The following PAICS variants were observed in gnomAD, a reference collection of about 807,000 sequenced individuals.
PAICS encodes phosphoribosylaminoimidazole carboxylase and phosphoribosylaminoimidazolesuccinocarboxamide synthase.
PAICS carries 33 observed loss-of-function variants against 53.7 expected under a neutral mutation model. The ratio of observed to expected loss-of-function variants is 0.61; its 90% confidence interval spans 0.47 to 0.82. The LOEUF is 0.82. PAICS is among the 40% of genes least tolerant of loss of function. The pLI, the probability that PAICS is intolerant of heterozygous loss-of-function variation, is 0.00. For synonymous variants in PAICS, 141 were observed against 167.2 expected (o/e 0.84, Z 1.21); for missense variants, 394 against 494.1 (o/e 0.80, Z 1.92).
At chr4:56,417,285 C>A in the PAICS span, among the ~76,000 whole-genome samples, 4 of 151,122 alleles carry the variant, frequency 2.6e-5, no homozygotes, top group African/African-American at 9.7e-5. Context: ...TATTTGTAAC[C>A]TAAATAAGAA....
chr4:56,410,727 G>T, the PAICS span: 4 of 986,592 alleles, frequency 4.1e-6, no homozygotes, highest in Non-Finnish European at 4.8e-6. Flanking sequence ...TATGAATATA[G>T]AACAGTTAAA....
Position 56,441,660 on chromosome 4 carries a change from C to T in PAICS, c.17-3C>T. On this transcript the variant is annotated splice_region_variant and splice_polypyrimidine_tract_variant and intron_variant, in intron 1 of 8. Coordinates refer to ENST00000512576, the MANE Select transcript of PAICS (RefSeq NM_001079524.2). The stretch of plus-strand genomic sequence containing the variant: ...TTGGTCTATTTCCATTTTATTTCCA[C>T]AGTACTGAACATTGGTAAAAAATTA... 2 of 1,457,838 alleles carry T rather than the reference C, an allele frequency of 1.4e-6. No individual in the cohort carries two copies. Among genetic ancestry groups the T allele is most frequent in the Non-Finnish European group, 9.2e-7 (1 of 1,087,124 alleles). 90.3% of individuals were successfully genotyped at this position (1,457,838 alleles called of 1,614,324 possible). A position where few individuals can be genotyped will look rare whatever the true frequency, so the allele number is the denominator to read the frequency against.
At chr4:56,410,933 A>G in the PAICS span, 2 of 936,370 alleles carry the variant, frequency 2.1e-6, no homozygotes, top group Non-Finnish European at 2.5e-6. Flanking sequence ...AAAAAAGAAA[A>G]GTACTCTTGT....
intron 2 of PAICS, among the ~76,000 whole-genome samples, chr4:56,444,001 C>G (rs915545767): frequency 2.0e-5 from 3 of 152,042 alleles, no homozygotes; most frequent in Non-Finnish European, 1.5e-5. Context: ...TCTAAACAGA[C>G]TAGTTTTAGG....
rs1358003820 is a variant in PAICS, at chr4:56,459,978, C to G, written c.*440C>G. 6.5e-6 allele frequency: 1 copy of G among 154,556 alleles called. No homozygotes were observed. The highest frequency in any genetic ancestry group is 1.4e-5 in the Non-Finnish European group (1 of 69,816). The allele number at this position is 154,556 out of a possible 1,614,324, so 9.6% of individuals were successfully genotyped here. On this transcript the variant is annotated 3_prime_UTR_variant, in exon 9 of 9. Coordinates refer to ENST00000512576, the MANE Select transcript of PAICS (RefSeq NM_001079524.2). Reference sequence around the variant, plus strand: ...TGATCTCAGTTCACTGCTGCTTTCCCTCCTGGGCTCAAGCAGTTCTCCCAC... The same window carrying G: ...TGATCTCAGTTCACTGCTGCTTTCCGTCCTGGGCTCAAGCAGTTCTCCCAC...
chr4:56,436,828 C>T (rs1718009317), intron 1 of PAICS, among the ~76,000 whole-genome samples: 1 of 151,904 alleles, frequency 6.6e-6, no homozygotes, highest in Non-Finnish European at 1.5e-5. Flanking sequence ...AACCCCGTCT[C>T]TTACTAAAAA....
chr4:56,460,265 A>T lies in PAICS; in HGVS notation c.*727A>T, dbSNP rs1179967899. 1.3e-5 allele frequency: 2 copies of T among 152,122 alleles called. No individual in the cohort carries two copies. Among genetic ancestry groups the T allele is most frequent in the African/African-American group, 4.8e-5 (2 of 41,418 alleles). 9.4% of individuals were successfully genotyped at this position (152,122 alleles called of 1,614,324 possible). A position where few individuals can be genotyped will look rare whatever the true frequency, so the allele number is the denominator to read the frequency against. ...GAAAAAACAGAATGCTCCCAACTTTATTCATCTTCCAAGCCTGTAGCTCTT... is the reference window on the plus strand; with the variant it reads ...GAAAAAACAGAATGCTCCCAACTTTTTTCATCTTCCAAGCCTGTAGCTCTT... On this transcript the variant is annotated 3_prime_UTR_variant, in exon 9 of 9. Transcript: ENST00000512576.
chr4:56,423,137 G>C, the PAICS span: 1 of 152,198 alleles, frequency 6.6e-6, no homozygotes, highest in Non-Finnish European at 1.5e-5. Flanking sequence ...CTGTTAAAAA[G>C]ACCTTGTACC....
At chr4:56,438,837 AT>A in intron 1 of PAICS, among the ~76,000 whole-genome samples, 1 of 152,330 alleles carries the variant, frequency 6.6e-6, no homozygotes, top group Non-Finnish European at 1.5e-5. Flanking sequence ...TGCAGTATAT[AT>A]TTTAACAAAT....
intron 1 of PAICS, 160 bp downstream of exon 1, chr4:56,436,488 C>G (rs375206193): frequency 1.9e-5 from 14 of 725,100 alleles, no homozygotes; most frequent in Admixed American, 6.0e-5. Flanking sequence ...CGGGCCTCCC[C>G]GAACTTTACT....
chr4:56,459,559 T>C lies in PAICS; in HGVS notation c.*21T>C. On this transcript the variant is annotated 3_prime_UTR_variant, in exon 9 of 9. Transcript: ENST00000512576. ...TATAAGAAAGAATGCCATTGAATTT[T>C]TTAGGGGAAAAACTACAAATTTCTA... 6.6e-7 allele frequency: 1 copy of C among 1,512,268 alleles called. No homozygotes were observed. The highest frequency in any genetic ancestry group is 9.0e-7 in the Non-Finnish European group (1 of 1,116,402). The allele number at this position is 1,512,268 out of a possible 1,614,324, so 93.7% of individuals were successfully genotyped here.
chr4:56,448,450 G>C lies in PAICS; in HGVS notation c.426G>C (p.Glu142Asp), dbSNP rs772284340. 2 of 1,609,854 alleles carry C rather than the reference G, an allele frequency of 1.2e-6. No individual in the cohort carries two copies. ...DDANNDPQWS[E>D]EQLIAAKFCF... is the part of the protein sequence containing the mutation. Reference sequence around the variant, plus strand: ...CCAATAATGACCCACAGTGGTCTGAGGAACAGCTGATTGCTGCAAAATTTT... The same window carrying C: ...CCAATAATGACCCACAGTGGTCTGACGAACAGCTGATTGCTGCAAAATTTT... The change falls in exon 4 of 9, where the codon GAG becomes GAC. Residue 142 changes from glutamate to aspartate, a missense_variant. Glu to Asp is a conservative substitution (Grantham distance 45). Around this residue, in one of 3 missense-constraint regions of PAICS, gnomAD observed 168 missense variants for 199.3 expected, o/e 0.84. Transcript: ENST00000512576.
chr4:56,425,494 T>G, the PAICS span: 1 of 359,868 alleles, frequency 2.8e-6, no homozygotes. Context: ...ACTTGTTTAT[T>G]ATGAAGTCAT....
chr4:56,410,914 A>T, the PAICS span: 1 of 977,758 alleles, frequency 1.0e-6, no homozygotes, highest in Non-Finnish European at 1.2e-6. Flanking sequence ...AAAAAAAAAA[A>T]AAAAAAAAAA....
chr4:56,443,681 G>A (rs540754502), intron 2 of PAICS, among the ~76,000 whole-genome samples: 3 of 152,234 alleles, frequency 2.0e-5, no homozygotes, highest in East Asian at 1.9e-4. Context: ...TGCTTATTTA[G>A]TGTATTTTCT....
upstream of PAICS, chr4:56,436,152 C>G: frequency 6.7e-7 from 1 of 1,491,134 alleles, no homozygotes; most frequent in Non-Finnish European, 8.9e-7. Flanking sequence ...TCCGCCCATA[C>G]CCCTCCGGGT....
chr4:56,449,857 T>C (rs1718812171), intron 5 of PAICS, among the ~76,000 whole-genome samples: 1 of 147,150 alleles, frequency 6.8e-6, no homozygotes, highest in Non-Finnish European at 1.5e-5. Flanking sequence ...GCACCTGTAA[T>C]CCCAGCTTCT....
At chr4:56,429,232 AGAGT>A in the PAICS span, among the ~76,000 whole-genome samples, 1 of 152,224 alleles carries the variant, frequency 6.6e-6, no homozygotes, top group Non-Finnish European at 1.5e-5. Context: ...GAAAGAAAAA[AGAGT>A]GAGAGTAACA....
In PAICS at chr4:56,441,711, A is replaced by T; in HGVS notation, c.65A>T (p.Tyr22Phe). Reference protein sequence around the residue: ...KLYEGKTKEVYELLDSPGKVL... With the variant: ...KLYEGKTKEVFELLDSPGKVL... ...TATGAGGGTAAAACAAAAGAAGTCT[A>T]CGAATTGTTAGACAGTCCAGGAAAA... Residue 22 changes from tyrosine (Y) to phenylalanine (F), a missense_variant, in exon 2 of 9, where the codon TAC becomes TTC. Physicochemically the swap from Tyr to Phe is conservative, Grantham distance 22. Coordinates refer to ENST00000512576, the MANE Select transcript of PAICS (RefSeq NM_001079524.2). 1 of 1,601,276 alleles carries T rather than the reference A, an allele frequency of 6.2e-7. No individual in the cohort carries two copies. The highest frequency in any genetic ancestry group is 2.2e-5 in the East Asian group (1 of 44,770).
Sources: gnomAD v4.1 joint callset for allele counts (sites outside exome capture counted in the v4.1 genomes callset) on GRCh38, gnomAD v4.1.1 for gene constraint, gnomAD v4.1.1 regional missense constraint, MANE v1.5 for transcripts, NCBI Gene and HGNC (gene_info 2026-07-23, HGNC 2026-07-21) for gene names.